Variants in NRG3 observed in about 807,000 individuals in gnomAD.
NRG3 encodes neuregulin 3.
A neutral mutation model predicts 66.9 loss-of-function variants in NRG3; 31 were observed. The ratio of observed to expected loss-of-function variants is 0.46; its 90% confidence interval spans 0.35 to 0.63. The LOEUF is 0.63. Among genes scored for constraint, NRG3 ranks in the 20% least tolerant of loss-of-function variants. The pLI is 0.00. For synonymous variants in NRG3, 393 were observed against 359.4 expected, an observed-to-expected ratio of 1.09 and a Z score of -1.06; for missense variants, 910 against 878.9, an observed-to-expected ratio of 1.04 and a Z score of -0.45.
chr10:82,356,715 G>A lies in NRG3; in HGVS notation c.824-2024G>A, dbSNP rs539644690. Among the ~76,000 whole-genome samples the A allele has an allele frequency of 1.3e-4, 20 of 152,266 alleles. No individual in the cohort carries two copies. The South Asian group carries it at 3.7e-3, about 28-fold the overall frequency. ...GAATATGAGTAACATATGTGTGAGG[G>A]TCTGTGTGAATCTGAAGGCCTTGCT... On this transcript the variant is annotated intron_variant, in intron 1 of 8. Transcript: ENST00000372141.
chr10:82,471,639 G>A (rs1009748125), intron 2 of NRG3, among the ~76,000 whole-genome samples: 1 of 152,052 alleles, frequency 6.6e-6, no homozygotes, highest in Admixed American at 6.6e-5. Flanking sequence ...GACTGGGCAC[G>A]GTGGCTCATG....
At chr10:82,571,282 C>CA (rs1343327489) in intron 2 of NRG3, among the ~76,000 whole-genome samples, 1 of 151,192 alleles carries the variant, frequency 6.6e-6, no homozygotes, top group East Asian at 1.9e-4. Flanking sequence ...AGGGATTGAA[C>CA]AAAAAAGGCA....
intron 2 of NRG3, among the ~76,000 whole-genome samples, chr10:82,586,211 C>T (rs1295120898): frequency 6.7e-6 from 1 of 149,224 alleles, no homozygotes; most frequent in African/African-American, 2.5e-5. Context: ...AACTTGTACC[C>T]CTAAATCTAA....
intron 2 of NRG3, among the ~76,000 whole-genome samples, chr10:82,684,848 A>T (rs1404786930): frequency 6.6e-6 from 1 of 152,194 alleles, no homozygotes; most frequent in Non-Finnish European, 1.5e-5. Flanking sequence ...TGTTCCAGAA[A>T]AAAAACTGAC....
intron 1 of NRG3, among the ~76,000 whole-genome samples, chr10:82,057,818 C>G (rs1021284236): frequency 6.6e-6 from 1 of 152,138 alleles, no homozygotes; most frequent in African/African-American, 2.4e-5. Flanking sequence ...AAGATACTCA[C>G]AGGGAGTCTT....
At chr10:82,286,634 C>T (rs975885616) in intron 1 of NRG3, among the ~76,000 whole-genome samples, 3 of 152,162 alleles carry the variant, frequency 2.0e-5, no homozygotes, top group Non-Finnish European at 4.4e-5. Flanking sequence ...GTCACCCAGA[C>T]TGGAGTGCAG....
chr10:82,258,933 C>T (rs971238624), intron 1 of NRG3, among the ~76,000 whole-genome samples: 1 of 152,106 alleles, frequency 6.6e-6, no homozygotes. Flanking sequence ...AAATTAGAAA[C>T]AAAAGCAGCT....
At chr10:82,490,090 A>G (rs1842974392) in intron 2 of NRG3, among the ~76,000 whole-genome samples, 1 of 152,180 alleles carries the variant, frequency 6.6e-6, no homozygotes, top group African/African-American at 2.4e-5. Context: ...CAATTAGATC[A>G]TTGCCATCTC....
intron 2 of NRG3, among the ~76,000 whole-genome samples, chr10:82,374,327 G>A (rs1249316622): frequency 1.3e-5 from 2 of 152,118 alleles, no homozygotes; most frequent in Admixed American, 6.6e-5. Flanking sequence ...CCTCAAAGAC[G>A]CCCACCAGTA....
At chr10:82,175,473 G>A (rs2072958561) in intron 1 of NRG3, among the ~76,000 whole-genome samples, 1 of 152,086 alleles carries the variant, frequency 6.6e-6, no homozygotes, top group African/African-American at 2.4e-5. Flanking sequence ...TCTAAATGCT[G>A]AATACATCAT....
chr10:82,406,268 A>T (rs2087514194), intron 2 of NRG3, among the ~76,000 whole-genome samples: 1 of 152,356 alleles, frequency 6.6e-6, no homozygotes, highest in Non-Finnish European at 1.5e-5. Context: ...TTCGTGGGAC[A>T]TAACTAAATT....
intron 2 of NRG3, among the ~76,000 whole-genome samples, chr10:82,730,588 G>C (rs941720505): frequency 6.6e-6 from 1 of 152,134 alleles, no homozygotes; most frequent in Non-Finnish European, 1.5e-5. Context: ...TTCAATTATA[G>C]TTAAGAGGAT....
chr10:82,102,074 ACATATATATATGTGTATT>A (rs1181977352), intron 1 of NRG3, among the ~76,000 whole-genome samples: 5,238 of 134,804 alleles, frequency 0.039, 208 homozygotes, highest in Non-Finnish European at 0.056. Context: ...ATGTGTGTAT[ACATATATATATGTGTATT>A]CATATATATA....
At chr10:82,840,292 G>GT (rs1450816424) in intron 3 of NRG3, among the ~76,000 whole-genome samples, 2 of 151,986 alleles carry the variant, frequency 1.3e-5, no homozygotes, top group Admixed American at 1.3e-4. Flanking sequence ...CGCAGCCTAC[G>GT]TTGGTGGACT....
rs12245850 is a variant in NRG3 at position 82,314,230 on chromosome 10, C to T, written c.824-44509C>T. On this transcript the variant is annotated intron_variant, in intron 1 of 8. Transcript: ENST00000372141. ...TTCTCTCATTAGCTTGACAACAGAA[C>T]TTTAATCCACATGAGTTGATGCCCT... is the stretch of plus-strand genomic sequence containing the variant. 3.1e-3 allele frequency among the ~76,000 whole-genome samples: 467 copies of T among 152,226 alleles called. 3 individuals carry two copies. The highest frequency in any genetic ancestry group is 0.011 in the African/African-American group (445 of 41,540).
At chr10:82,066,320 A>G (rs1473289916) in intron 1 of NRG3, among the ~76,000 whole-genome samples, 1 of 152,222 alleles carries the variant, frequency 6.6e-6, no homozygotes, top group Non-Finnish European at 1.5e-5. Context: ...TTCATGTATT[A>G]TATATGCATA....
At chr10:82,312,688 G>C (rs1589684251) in intron 1 of NRG3, among the ~76,000 whole-genome samples, 1 of 152,206 alleles carries the variant, frequency 6.6e-6, no homozygotes, top group Admixed American at 6.5e-5. Context: ...CCAAGTAGGG[G>C]CAAAAGATCA....
At chr10:82,242,215 C>CCA (rs2077036796) in intron 1 of NRG3, among the ~76,000 whole-genome samples, 1 of 152,084 alleles carries the variant, frequency 6.6e-6, no homozygotes. Flanking sequence ...CAACTTCAAT[C>CCA]GTGGATGCCC....
At chr10:82,160,805 C>T (rs934383404) in intron 1 of NRG3, among the ~76,000 whole-genome samples, 2 of 151,930 alleles carry the variant, frequency 1.3e-5, no homozygotes, top group African/African-American at 4.8e-5. Flanking sequence ...GAAACAAGTT[C>T]AGCATGTGAT....
Sources: allele counts gnomAD v4.1 joint callset (sites outside exome capture counted in the v4.1 genomes callset), GRCh38; gene constraint gnomAD v4.1.1; transcripts MANE v1.5; gene names NCBI Gene and HGNC (gene_info 2026-07-23, HGNC 2026-07-21).